The following TMCO6 variants were observed in gnomAD, a reference collection of about 807,000 sequenced individuals.
TMCO6 encodes the protein transmembrane and coiled-coil domains 6, also known as transmembrane and coiled-coil domain-containing protein 6.
TMCO6 carries 47 observed loss-of-function variants against 61.8 expected under a neutral mutation model. That is an observed-to-expected ratio of 0.76 (90% CI 0.60 to 0.97). TMCO6 has a LOEUF of 0.97. Among genes scored for constraint, TMCO6 ranks in the 50% least tolerant of loss-of-function variants. TMCO6 has a pLI of 0.00. For missense variants in TMCO6, 557 were observed against 601.6 expected (o/e 0.93, Z 0.78); for synonymous variants, 261 against 254.2 (o/e 1.03, Z -0.25).
chr5:140,614,468 A>C, the TMCO6 span, among the ~76,000 whole-genome samples: 1 of 152,066 alleles, frequency 6.6e-6, no homozygotes, highest in Non-Finnish European at 1.5e-5. Context: ...AGATCAAACC[A>C]TTGTACTCCA....
At chr5:140,619,104 G>A in the TMCO6 span, among the ~76,000 whole-genome samples, 1 of 152,038 alleles carries the variant, frequency 6.6e-6, no homozygotes, top group Non-Finnish European at 1.5e-5. Flanking sequence ...AATATACAAA[G>A]AACTTTTAAA....
In TMCO6 at chr5:140,641,752, C is replaced by G. The variant is rs1166195761; in HGVS notation, c.286C>G (p.His96Asp). 1.9e-6 allele frequency: 3 copies of G among 1,614,194 alleles called. No homozygotes were observed. In the East Asian group the frequency reaches 6.7e-5, roughly 36 times the overall value. ...GGTCAGCCTTCGTCGAGGCTTGCAG[C>G]ACCCTGAAACACAGCAAACCTTCAT... ...ALVSLRRGLQ[H>D]PETQQTFIRL... The change falls in exon 3 of 12, where the codon CAC becomes GAC. Residue 96 changes from histidine (H) to aspartate (D), a missense_variant. Physicochemically the swap from His to Asp is moderately conservative, Grantham distance 81. Coordinates refer to ENST00000394671, the MANE Select transcript of TMCO6 (RefSeq NM_018502.5).
chr5:140,612,898 A>G, the TMCO6 span, among the ~76,000 whole-genome samples: 1 of 152,192 alleles, frequency 6.6e-6, no homozygotes, highest in Non-Finnish European at 1.5e-5. Flanking sequence ...TCTTCAATCA[A>G]TCAAATCAGT....
the TMCO6 span, among the ~76,000 whole-genome samples, chr5:140,611,154 G>A: frequency 6.6e-6 from 1 of 152,168 alleles, no homozygotes; most frequent in Admixed American, 6.5e-5. Context: ...CTCTCTTCCA[G>A]ACTAAGAGTT....
At chr5:140,637,620 A>T (rs1323198836), upstream of TMCO6, among the ~76,000 whole-genome samples, 1 of 152,090 alleles carries the variant, frequency 6.6e-6, no homozygotes, top group East Asian at 1.9e-4. Context: ...GCCTCATTAT[A>T]CCTCTCTACC....
the TMCO6 span, among the ~76,000 whole-genome samples, chr5:140,612,740 CA>C: frequency 1.3e-5 from 2 of 152,190 alleles, no homozygotes; most frequent in Non-Finnish European, 2.9e-5. Flanking sequence ...AAGTTGAAAA[CA>C]AAAGATCACA....
chr5:140,642,843 ACT>A, intron 6 of TMCO6, 80 bp from the exon 7 acceptor site: 2 of 1,607,916 alleles, frequency 1.2e-6, no homozygotes, highest in Middle Eastern at 1.7e-4. Context: ...GGGTTTGGAC[ACT>A]CTCCCACCTG....
At chr5:140,603,713 C>T in the TMCO6 span, among the ~76,000 whole-genome samples, 1 of 151,888 alleles carries the variant, frequency 6.6e-6, no homozygotes, top group African/African-American at 2.4e-5. Flanking sequence ...ATTAAATGTT[C>T]ATATCACAAT....
At chr5:140,602,468 C>T in the TMCO6 span, among the ~76,000 whole-genome samples, 1 of 152,098 alleles carries the variant, frequency 6.6e-6, no homozygotes, top group Non-Finnish European at 1.5e-5. Context: ...TATAATTAGT[C>T]ATTTTAAAGT....
the TMCO6 span, among the ~76,000 whole-genome samples, chr5:140,621,787 C>A: frequency 2.6e-5 from 4 of 152,162 alleles, no homozygotes; most frequent in Non-Finnish European, 4.4e-5. Context: ...GGTCTCTGAA[C>A]TGGACCCCCT....
At chr5:140,646,078 T>G (rs1417372999), downstream of TMCO6, among the ~76,000 whole-genome samples, 24 of 149,588 alleles carry the variant, frequency 1.6e-4, 2 homozygotes, top group Admixed American at 1.6e-3. Context: ...TGGCACGATC[T>G]CCACTCACTG....
chr5:140,629,388 C>G, the TMCO6 span, among the ~76,000 whole-genome samples: 1 of 152,142 alleles, frequency 6.6e-6, no homozygotes, highest in Non-Finnish European at 1.5e-5. Flanking sequence ...TTTAAATCAT[C>G]TCTAGATTAC....
chr5:140,637,340 G>A (rs542302623), upstream of TMCO6, among the ~76,000 whole-genome samples: 3 of 152,318 alleles, frequency 2.0e-5, no homozygotes, highest in East Asian at 1.9e-4. Context: ...TAGTAGACTA[G>A]TGGCACTCCA....
the TMCO6 span, among the ~76,000 whole-genome samples, chr5:140,605,392 T>A: frequency 6.6e-6 from 1 of 152,086 alleles, no homozygotes; most frequent in Non-Finnish European, 1.5e-5. Context: ...AAAAGTGGCA[T>A]CTTTAGGCCA....
At chr5:140,631,285 C>G in the TMCO6 span, among the ~76,000 whole-genome samples, 1 of 151,988 alleles carries the variant, frequency 6.6e-6, no homozygotes, top group Non-Finnish European at 1.5e-5. Flanking sequence ...GGCTGTCCCT[C>G]TTCCTTGAGT....
At chr5:140,623,521 C>T in the TMCO6 span, among the ~76,000 whole-genome samples, 1 of 152,144 alleles carries the variant, frequency 6.6e-6, no homozygotes, top group Admixed American at 6.6e-5. Flanking sequence ...TCATCCTGAA[C>T]CCCATCGGTC....
the TMCO6 span, among the ~76,000 whole-genome samples, chr5:140,622,653 C>A: frequency 7.0e-6 from 1 of 143,188 alleles, no homozygotes; most frequent in Non-Finnish European, 1.5e-5. Context: ...TGGAAGGGAA[C>A]AACGAAAATA....
chr5:140,639,858 G>C lies in TMCO6; in HGVS notation c.198+7G>C. 1 of 1,593,726 alleles carries C rather than the reference G, an allele frequency of 6.3e-7. No individual in the cohort carries two copies. The highest frequency in any genetic ancestry group is 8.5e-7 in the Non-Finnish European group (1 of 1,171,204). On this transcript the variant is annotated splice_region_variant and intron_variant, in intron 2 of 11. Transcript: ENST00000394671. ...GATCCTCGGGGAAACCGAGGTGAGGGGGCAAGGTAGGGTGCGCTGGAGTCC... is the reference window on the plus strand; with the variant it reads ...GATCCTCGGGGAAACCGAGGTGAGGCGGCAAGGTAGGGTGCGCTGGAGTCC...
At chr5:140,637,070 G>C (rs1227815169), upstream of TMCO6, among the ~76,000 whole-genome samples, 1 of 152,178 alleles carries the variant, frequency 6.6e-6, no homozygotes, top group Non-Finnish European at 1.5e-5. Flanking sequence ...TGAGAATGGT[G>C]TTGAGGGAAG....
Sources: gnomAD v4.1 joint callset for allele counts (sites outside exome capture counted in the v4.1 genomes callset) on GRCh38, gnomAD v4.1.1 for gene constraint, MANE v1.5 for transcripts, NCBI Gene and HGNC (gene_info 2026-07-23, HGNC 2026-07-21) for gene names.